The following STPG1 variants were observed in gnomAD, a reference collection of about 807,000 sequenced individuals.
The protein encoded by STPG1 is O(6)-methylguanine-induced apoptosis 2.
Under a neutral mutation model 40.1 loss-of-function variants are expected in STPG1, and 33 were observed. The observed-to-expected ratio is 0.82, with a 90% CI of 0.62 to 1.10. STPG1 has a LOEUF of 1.10. Ranked by LOEUF, STPG1 falls within the 50% of genes least tolerant of loss-of-function variation. The pLI, the probability that STPG1 is intolerant of heterozygous loss-of-function variation, is 0.00. For synonymous variants in STPG1, 150 were observed against 155.0 expected, an observed-to-expected ratio of 0.97 and a Z score of 0.24; for missense variants, 396 against 415.1, an observed-to-expected ratio of 0.95 and a Z score of 0.40.
At chr1:24,376,359 T>C (rs1166629428) in intron 5 of STPG1, among the ~76,000 whole-genome samples, 1 of 152,172 alleles carries the variant, frequency 6.6e-6, no homozygotes, top group East Asian at 1.9e-4. Flanking sequence ...CCTTGGGAAG[T>C]AGAATTATAA....
Position 24,369,837 on chromosome 1 carries a change from G to T in STPG1, c.574C>A (p.His192Asn), listed in dbSNP as rs145577358. Residue 192 changes from histidine (H) to asparagine (N), a missense_variant and splice_region_variant, in exon 7 of 9, where the codon CAT (histidine) becomes AAT (asparagine). Coordinates refer to ENST00000337248, the MANE Select transcript of STPG1 (RefSeq NM_001199013.2). ...AFADKGPPPG[H>N]YDINESLVKQ... ...ACAAGGGATTCGTTGATATCATAAT[G>T]CCCTAAGGAGAAAGAAATTTTAGGA... 3.8e-6 allele frequency: 6 copies of T among 1,582,556 alleles called. No homozygotes were observed. The African/African-American group carries it at 8.2e-5, about 22-fold the overall frequency.
chr1:24,394,648 CA>C (rs1000926761), intron 2 of STPG1, among the ~76,000 whole-genome samples: 1 of 151,868 alleles, frequency 6.6e-6, no homozygotes, highest in African/African-American at 2.4e-5. Flanking sequence ...TGACAAGATC[CA>C]AATCGAACTA....
chr1:24,379,538 G>A, intron 5 of STPG1, 115 bp downstream of exon 5: 4 of 1,221,698 alleles, frequency 3.3e-6, no homozygotes, highest in Non-Finnish European at 4.7e-6. Context: ...GTCAACAAAT[G>A]CTAACTGGCT....
intron 6 of STPG1, among the ~76,000 whole-genome samples, chr1:24,370,940 C>A (rs144271673): frequency 8.6e-4 from 131 of 152,180 alleles, no homozygotes; most frequent in African/African-American, 3.1e-3. Flanking sequence ...GTGTTGAGCA[C>A]CACTATGTAG....
At position 24,359,737 on chromosome 1, in the gene STPG1, C is replaced by T. The variant is rs1640971408; in HGVS notation, c.928+1114G>A. Among the ~76,000 whole-genome samples, 1 of 152,202 alleles carries T rather than the reference C, an allele frequency of 6.6e-6. No homozygotes were observed. Among genetic ancestry groups the T allele is most frequent in the African/African-American group, 2.4e-5 (1 of 41,442 alleles). ...TCATCACAGCTCTGCCTTCATCCTCCCATGCCACCTGCCACACATGTCAGT... is the reference window on the plus strand; with the variant it reads ...TCATCACAGCTCTGCCTTCATCCTCTCATGCCACCTGCCACACATGTCAGT... On this transcript the variant is annotated intron_variant, in intron 8 of 8. Coordinates refer to ENST00000337248, the MANE Select transcript of STPG1 (RefSeq NM_001199013.2). The surrounding 1 kb of genome is among the most constrained non-coding windows in gnomAD (Gnocchi z 5.3).
At chr1:24,364,055 C>A in intron 7 of STPG1, 1 of 1,323,526 alleles carries the variant, frequency 7.6e-7, no homozygotes, top group Non-Finnish European at 9.8e-7. Flanking sequence ...TTCCGTTTTA[C>A]CTTCCAGAAA....
At chr1:24,375,102 T>C (rs923730854) in intron 5 of STPG1, among the ~76,000 whole-genome samples, 1 of 152,188 alleles carries the variant, frequency 6.6e-6, no homozygotes, top group African/African-American at 2.4e-5. Context: ...GTCTCAACTT[T>C]CCTGAACTGA....
At chr1:24,375,092 G>A (rs1327884561) in intron 5 of STPG1, among the ~76,000 whole-genome samples, 3 of 152,112 alleles carry the variant, frequency 2.0e-5, no homozygotes, top group Non-Finnish European at 4.4e-5. Flanking sequence ...GCATTCCCTT[G>A]TCTCAACTTT....
chr1:24,395,951 C>G (rs1056497616), intron 2 of STPG1, among the ~76,000 whole-genome samples: 1 of 150,426 alleles, frequency 6.6e-6, no homozygotes, highest in Non-Finnish European at 1.5e-5. Flanking sequence ...CCACTGCACC[C>G]CAGCCTGAGC....
chr1:24,381,791 C>G (rs1183871699), intron 4 of STPG1, among the ~76,000 whole-genome samples: 1 of 152,142 alleles, frequency 6.6e-6, no homozygotes, highest in African/African-American at 2.4e-5. Flanking sequence ...TTTTAATTCC[C>G]TCTAAGTCTT....
chr1:24,364,220 A>AC (rs1207812332), intron 7 of STPG1: 2 of 1,539,910 alleles, frequency 1.3e-6, no homozygotes, highest in Non-Finnish European at 1.8e-6. Flanking sequence ...CTGTCTCGCC[A>AC]CCCCCCACCT....
At chr1:24,386,220 A>G (rs1313609548) in intron 3 of STPG1, among the ~76,000 whole-genome samples, 1 of 152,256 alleles carries the variant, frequency 6.6e-6, no homozygotes, top group Non-Finnish European at 1.5e-5. Flanking sequence ...ATTCTAATTT[A>G]ACTGGACATC....
chr1:24,380,162 G>A (rs1642219501), intron 4 of STPG1, among the ~76,000 whole-genome samples: 1 of 152,190 alleles, frequency 6.6e-6, no homozygotes, highest in Non-Finnish European at 1.5e-5. Flanking sequence ...GTGATAGGAA[G>A]CTTTAGATGC....
intron 3 of STPG1, among the ~76,000 whole-genome samples, chr1:24,387,329 G>A (rs1642557592): frequency 6.6e-6 from 1 of 152,164 alleles, no homozygotes; most frequent in African/African-American, 2.4e-5. Flanking sequence ...GAAATGCGCA[G>A]ATTTGAGTTG....
At chr1:24,369,396 T>C (rs971753900) in intron 7 of STPG1, 2 of 574,838 alleles carry the variant, frequency 3.5e-6, no homozygotes, top group Admixed American at 2.2e-5. Flanking sequence ...ATCCGAAGCC[T>C]TGCTTCCTCC....
intron 3 of STPG1, among the ~76,000 whole-genome samples, chr1:24,388,955 C>T (rs1642631628): frequency 6.6e-6 from 1 of 152,200 alleles, no homozygotes; most frequent in Non-Finnish European, 1.5e-5. Flanking sequence ...CAGCCAGTGA[C>T]AGAGTAGGAC....
At chr1:24,384,404 C>A (rs955980541) in intron 3 of STPG1, among the ~76,000 whole-genome samples, 1 of 152,176 alleles carries the variant, frequency 6.6e-6, no homozygotes, top group African/African-American at 2.4e-5. Flanking sequence ...TTCATGTTCA[C>A]CCCACCCCAC....
rs1641068113 is a variant in STPG1, at chr1:24,360,921, A to G, written c.858T>C (p.Ser286=). 3 of 1,613,868 alleles carry G rather than the reference A, an allele frequency of 1.9e-6. No homozygotes were observed. Among genetic ancestry groups the G allele is most frequent in the Admixed American group, 1.7e-5 (1 of 59,972 alleles). Residue 286 remains serine, a synonymous_variant, in exon 8 of 9, where the codon TCT becomes TCC. Coordinates refer to ENST00000337248, the MANE Select transcript of STPG1 (RefSeq NM_001199013.2). ...TGGTATTGGACACGAATGATGCACTAGAGATGAAATGCTTGCGGGGGCCTA... is the reference window on the plus strand; with the variant it reads ...TGGTATTGGACACGAATGATGCACTGGAGATGAAATGCTTGCGGGGGCCTA... ...DYLGPRKHFI[S]SASFVSNTSR...
Position 24,357,701 on chromosome 1 carries a change from C to T in STPG1, c.*842G>A, listed in dbSNP as rs1640813614. On this transcript the variant is annotated 3_prime_UTR_variant, in exon 9 of 9. Transcript: ENST00000337248. ...GATCAGAAAAGGAGCCTGGCAGCTC[C>T]CCACCCACCGCGAATCTGTGCAGCC... The T allele has an allele frequency of 6.0e-6, 1 of 166,690 alleles. No homozygotes were observed. The highest frequency in any genetic ancestry group is 1.5e-4 in the South Asian group (1 of 6,466). The allele number at this position is 166,690 out of a possible 1,614,324, so 10.3% of individuals were successfully genotyped here. A position where few individuals can be genotyped will look rare whatever the true frequency, so the allele number is the denominator to read the frequency against.
Sources: allele counts gnomAD v4.1 joint callset (sites outside exome capture counted in the v4.1 genomes callset), GRCh38; gene constraint gnomAD v4.1.1; non-coding constraint Gnocchi (gnomAD v3.1); transcripts MANE v1.5; gene names NCBI Gene and HGNC (gene_info 2026-07-23, HGNC 2026-07-21).